The following CLNK variants were observed in gnomAD, a reference collection of about 807,000 sequenced individuals.
The protein encoded by CLNK is cytokine-dependent hematopoietic cell linker.
CLNK carries 74 observed loss-of-function variants against 68.6 expected under a neutral mutation model. The observed-to-expected ratio is 1.08, with a 90% CI of 0.89 to 1.31. The LOEUF is 1.31. Ranked by LOEUF, CLNK falls within the 50% of genes most tolerant of loss-of-function variation. CLNK has a pLI of 0.00. For synonymous variants in CLNK, 198 were observed against 172.2 expected, an observed-to-expected ratio of 1.15 and a Z score of -1.17; for missense variants, 553 against 515.3, an observed-to-expected ratio of 1.07 and a Z score of -0.71.
chr4:10,684,282 T>C (rs1363863486), intron 1 of CLNK, among the ~76,000 whole-genome samples: 3 of 152,172 alleles, frequency 2.0e-5, no homozygotes, highest in Non-Finnish European at 2.9e-5. Flanking sequence ...ACTTATACTT[T>C]GAATGACCTA....
chr4:10,610,502 A>C (rs544419170), intron 2 of CLNK, among the ~76,000 whole-genome samples: 1 of 152,220 alleles, frequency 6.6e-6, no homozygotes, highest in East Asian at 1.9e-4. Flanking sequence ...TTTTTGGTTT[A>C]AATTTTGATT....
At chr4:10,544,624 G>A (rs77157093) in intron 8 of CLNK, among the ~76,000 whole-genome samples, 6,061 of 152,236 alleles carry the variant, frequency 0.04, 314 homozygotes, top group East Asian at 0.13. Flanking sequence ...TGAGGACAGC[G>A]AGGGAGCATG....
intron 1 of CLNK, among the ~76,000 whole-genome samples, chr4:10,672,802 A>G (rs1226930422): frequency 6.6e-6 from 1 of 152,216 alleles, no homozygotes; most frequent in Non-Finnish European, 1.5e-5. Context: ...GTGTCAGTCT[A>G]TTCCCATCTC....
chr4:10,668,859 T>C (rs1055983547), intron 1 of CLNK, among the ~76,000 whole-genome samples: 2 of 152,174 alleles, frequency 1.3e-5, no homozygotes, highest in Non-Finnish European at 2.9e-5. Flanking sequence ...CATCTCCCAT[T>C]GGCCAAACTC....
the CLNK span, among the ~76,000 whole-genome samples, chr4:10,698,535 C>T: frequency 6.6e-6 from 1 of 152,174 alleles, no homozygotes; most frequent in African/African-American, 2.4e-5. Flanking sequence ...GTTCTTGGTG[C>T]TCTCTGCTTT....
At chr4:10,659,834 T>C (rs1437768846) in intron 2 of CLNK, among the ~76,000 whole-genome samples, 2 of 152,234 alleles carry the variant, frequency 1.3e-5, no homozygotes, top group Admixed American at 6.5e-5. Flanking sequence ...CTTCCTGATA[T>C]TGGTCCCAAA....
At chr4:10,614,468 A>G (rs1722147944) in intron 2 of CLNK, among the ~76,000 whole-genome samples, 1 of 152,112 alleles carries the variant, frequency 6.6e-6, no homozygotes, top group African/African-American at 2.4e-5. Context: ...AATATCATCG[A>G]CATTAAGAGT....
At chr4:10,638,506 C>T (rs6824654) in intron 2 of CLNK, among the ~76,000 whole-genome samples, 48,599 of 152,034 alleles carry the variant, frequency 0.32, 8,791 homozygotes, top group African/African-American at 0.5. Context: ...ATTTGTGATT[C>T]GGCTTTATTA....
chr4:10,567,130 G>GAA (rs1560219699), intron 5 of CLNK, among the ~76,000 whole-genome samples: 6 of 28,174 alleles, frequency 2.1e-4, no homozygotes, highest in African/African-American at 5.4e-4. Flanking sequence ...AACAATCTTG[G>GAA]GAAAAAAAAA....
intron 2 of CLNK, among the ~76,000 whole-genome samples, chr4:10,632,036 G>C (rs1722913855): frequency 6.6e-6 from 1 of 152,216 alleles, no homozygotes; most frequent in African/African-American, 2.4e-5. Context: ...AATAGCTCTT[G>C]TCTAGGGTGT....
In CLNK at chr4:10,486,753, A is replaced by T. The variant is rs1383158357; in HGVS notation, c.*3714T>A. On this transcript the variant is annotated 3_prime_UTR_variant, in exon 19 of 19. Transcript: ENST00000226951. ...AAAATTTTAAATTTTCTCACTTAGGACTTTTCAAAGCCATCTCAAAGGAGC... is the reference window on the plus strand; with the variant it reads ...AAAATTTTAAATTTTCTCACTTAGGTCTTTTCAAAGCCATCTCAAAGGAGC... 2 of 152,194 alleles carry T rather than the reference A, an allele frequency of 1.3e-5. No homozygotes were observed. Among genetic ancestry groups the T allele is most frequent in the Non-Finnish European group, 2.9e-5 (2 of 68,044 alleles). The allele number at this position is 152,194 out of a possible 1,614,324, so 9.4% of individuals were successfully genotyped here. A position where few individuals can be genotyped will look rare whatever the true frequency, so the allele number is the denominator to read the frequency against.
rs1560206870 is a variant in CLNK, at chr4:10,537,670, T to TTCCTTC, written c.602+2823_602+2824insGAAGGA. On this transcript the variant is annotated intron_variant, in intron 11 of 18. Coordinates refer to ENST00000226951, the MANE Select transcript of CLNK (RefSeq NM_052964.4). The stretch of plus-strand genomic sequence containing the variant: ...TTCTTTCTTTCTTTCTTTCTTTCTT[T>TTCCTTC]CTTTCTTTCTTCCTTCCTTCCTTCC... Among the ~76,000 whole-genome samples, 18 of 46,678 alleles carry TTCCTTC rather than the reference T, an allele frequency of 3.9e-4. No homozygotes were observed. In the East Asian group the frequency reaches 7.4e-3, roughly 19 times the overall value. 30.6% of individuals were successfully genotyped at this position (46,678 alleles called of 152,430 possible). A position where few individuals can be genotyped will look rare whatever the true frequency, so the allele number is the denominator to read the frequency against.
intron 16 of CLNK, among the ~76,000 whole-genome samples, chr4:10,509,079 C>G (rs1717450334): frequency 7.5e-6 from 1 of 133,294 alleles, no homozygotes; most frequent in African/African-American, 2.9e-5. Context: ...TGCACTCCAG[C>G]CTGGTGACAG....
intron 18 of CLNK, among the ~76,000 whole-genome samples, chr4:10,493,043 G>A (rs1383941411): frequency 6.6e-6 from 1 of 152,192 alleles, no homozygotes; most frequent in Non-Finnish European, 1.5e-5. Flanking sequence ...TAGGCCAGGC[G>A]TGGTGGCTCA....
intron 8 of CLNK, among the ~76,000 whole-genome samples, chr4:10,550,226 G>A (rs1204029071): frequency 6.6e-6 from 1 of 152,208 alleles, no homozygotes; most frequent in African/African-American, 2.4e-5. Context: ...AGGCGCGGTG[G>A]CTCAAGCCTG....
At chr4:10,675,452 T>C (rs1429895489) in intron 1 of CLNK, among the ~76,000 whole-genome samples, 1 of 152,222 alleles carries the variant, frequency 6.6e-6, no homozygotes, top group East Asian at 1.9e-4. Flanking sequence ...AAATATGTAA[T>C]GCAACAATCG....
chr4:10,545,775 G>A (rs1245989926), intron 8 of CLNK, among the ~76,000 whole-genome samples: 5 of 152,150 alleles, frequency 3.3e-5, no homozygotes, highest in Non-Finnish European at 5.9e-5. Flanking sequence ...AATCTGGTTG[G>A]AGGTTGCTGA....
At chr4:10,541,598 G>GTA (rs34946302) in intron 10 of CLNK, among the ~76,000 whole-genome samples, 39 of 150,542 alleles carry the variant, frequency 2.6e-4, no homozygotes, top group East Asian at 3.9e-4. Flanking sequence ...ATATATATAT[G>GTA]TATATATATA....
chr4:10,591,567 A>C (rs914723980), intron 3 of CLNK, among the ~76,000 whole-genome samples: 1 of 152,196 alleles, frequency 6.6e-6, no homozygotes, highest in African/African-American at 2.4e-5. Flanking sequence ...AAATATACAA[A>C]AGAGGGCATC....
Sources: allele counts gnomAD v4.1 joint callset (sites outside exome capture counted in the v4.1 genomes callset), GRCh38; gene constraint gnomAD v4.1.1; transcripts MANE v1.5; gene names NCBI Gene and HGNC (gene_info 2026-07-23, HGNC 2026-07-21).